PLEKHG1: variants seen among roughly 807,000 people sequenced by gnomAD.
PLEKHG1 encodes the protein pleckstrin homology and RhoGEF domain containing G1.
A neutral mutation model predicts 100.8 loss-of-function variants in PLEKHG1; 44 were observed. The ratio of observed to expected loss-of-function variants is 0.44; its 90% CI spans 0.34 to 0.56. The LOEUF (loss-of-function observed/expected upper bound fraction) is 0.56. Ranked by LOEUF, PLEKHG1 falls within the 20% of genes least tolerant of loss-of-function variation. The pLI is 0.01. For missense variants in PLEKHG1, 1,545 were observed against 1,720.9 expected, an observed-to-expected ratio of 0.90 and a Z score of 1.81; for synonymous variants, 640 against 662.5, an observed-to-expected ratio of 0.97 and a Z score of 0.52.
intron 1 of PLEKHG1, among the ~76,000 whole-genome samples, chr6:150,733,275 A>G (rs1170847330): frequency 6.6e-6 from 1 of 152,176 alleles, no homozygotes; most frequent in African/African-American, 2.4e-5. Context: ...CACACTTTTG[A>G]GACAACAGGT....
intron 2 of PLEKHG1, among the ~76,000 whole-genome samples, chr6:150,765,493 C>CAAAA (rs141648102): frequency 0.29 from 40,982 of 138,964 alleles, 6,662 homozygotes; most frequent in East Asian, 0.46. Flanking sequence ...GACTCTGTCT[C>CAAAA]AAAGAAAAAA....
rs761947796 is a variant in PLEKHG1, at chr6:150,831,228, C to T, written c.2117C>T (p.Ala706Val). ...GAGTTAGCCTTCACAAAGAGGCAAG[C>T]TGGCCACAGTAAGGGCTCTCTTTAC... Residue 706 changes from alanine to valine, a missense_variant, in exon 15 of 16, where the codon GCT (alanine) becomes GTT (valine). Coordinates refer to ENST00000358517, the Ensembl canonical transcript of PLEKHG1. The surrounding 1 kb of genome is among the most constrained non-coding windows in gnomAD (Gnocchi z 4.1). The T allele has an allele frequency of 6.2e-7, 1 of 1,614,046 alleles. No homozygotes were observed. The highest frequency in any genetic ancestry group is 1.1e-5 in the South Asian group (1 of 91,082).
intron 1 of PLEKHG1, among the ~76,000 whole-genome samples, chr6:150,634,280 GAA>G (rs10693410): frequency 6.9e-6 from 1 of 144,962 alleles, no homozygotes; most frequent in Admixed American, 6.8e-5. Context: ...AGAGGAAGAA[GAA>G]AAAAAAAAGA....
chr6:150,686,195 T>C (rs553441170), intron 3 of PLEKHG1, among the ~76,000 whole-genome samples: 117 of 152,388 alleles, frequency 7.7e-4, no homozygotes, highest in African/African-American at 2.8e-3. Context: ...ACAGGAGAGC[T>C]AATTAGGTCA....
At chr6:150,702,557 G>GGTGTGTGT (rs56768740) in intron 3 of PLEKHG1, among the ~76,000 whole-genome samples, 21,004 of 142,740 alleles carry the variant, frequency 0.15, 1,655 homozygotes, top group Non-Finnish European at 0.17. Flanking sequence ...TTTGTTTTGG[G>GGTGTGTGT]GTGTGTGTGT....
intron 1 of PLEKHG1, among the ~76,000 whole-genome samples, chr6:150,612,941 A>T (rs550733105): frequency 6.6e-6 from 1 of 152,152 alleles, no homozygotes; most frequent in African/African-American, 2.4e-5. Context: ...CAATCGTTTC[A>T]TATGTCGGTT....
chr6:150,733,822 G>A, exon 2 of PLEKHG1: 2 of 1,614,220 alleles, frequency 1.2e-6, no homozygotes, highest in Non-Finnish European at 1.7e-6. Flanking sequence ...ACCAGGATAA[G>A]GAGGTAGGGG....
chr6:150,804,175 ATTTTTTT>A (rs1554276244), intron 6 of PLEKHG1, among the ~76,000 whole-genome samples: 7 of 43,166 alleles, frequency 1.6e-4, no homozygotes, highest in East Asian at 7.3e-4. Flanking sequence ...ATATATATAT[ATTTTTTT>A]TTTTTTTTTT....
rs1469171944 is a variant in PLEKHG1, at chr6:150,725,085, C to T, written c.-99+3885C>T. 4.6e-5 allele frequency among the ~76,000 whole-genome samples: 7 copies of T among 152,290 alleles called. No homozygotes were observed. In the East Asian group the frequency reaches 1.2e-3, roughly 25 times the overall value. On this transcript the variant is annotated intron_variant, in intron 1 of 15. Coordinates refer to ENST00000358517, the Ensembl canonical transcript of PLEKHG1. ...ACTTACAAGGAACAGAAATTGATTG[C>T]TCACAGTTCCAGAGAGTGGGAAGTC... is the stretch of plus-strand genomic sequence containing the variant.
chr6:150,773,002 T>C (rs1366954505), intron 3 of PLEKHG1, among the ~76,000 whole-genome samples: 1 of 152,216 alleles, frequency 6.6e-6, no homozygotes, highest in Non-Finnish European at 1.5e-5. Flanking sequence ...TATTTGAAAA[T>C]AAATTGTATA....
At chr6:150,640,894 A>G (rs1443407724) in intron 2 of PLEKHG1, among the ~76,000 whole-genome samples, 2 of 152,170 alleles carry the variant, frequency 1.3e-5, no homozygotes, top group African/African-American at 4.8e-5. Flanking sequence ...AGAAATACCT[A>G]TAGTTGCTGA....
intron 3 of PLEKHG1, among the ~76,000 whole-genome samples, chr6:150,770,231 C>T (rs982672651): frequency 6.6e-6 from 1 of 152,222 alleles, no homozygotes; most frequent in Non-Finnish European, 1.5e-5. Context: ...TCCTACCCAT[C>T]TTGGCTTACT....
At chr6:150,699,898 CAATTATCCA>C (rs1780696717) in intron 3 of PLEKHG1, among the ~76,000 whole-genome samples, 1 of 142,492 alleles carries the variant, frequency 7.0e-6, no homozygotes, top group African/African-American at 3.1e-5. Context: ...TAAAGACTGG[CAATTATCCA>C]TGGCCCCTGC....
At chr6:150,647,138 C>G (rs1482653441) in intron 2 of PLEKHG1, among the ~76,000 whole-genome samples, 1 of 152,096 alleles carries the variant, frequency 6.6e-6, no homozygotes, top group Admixed American at 6.6e-5. Flanking sequence ...TAGTCAGTAT[C>G]GTATATAGAA....
intron 12 of PLEKHG1, 41 bp from the exon 14 acceptor site, chr6:150,821,154 T>C: frequency 6.4e-7 from 1 of 1,572,906 alleles, no homozygotes; most frequent in Non-Finnish European, 8.7e-7. Context: ...AAAGGTTTGA[T>C]TTGGTTTTGC....
exon 15 of PLEKHG1, chr6:150,832,012 G>A (rs765256369): frequency 1.2e-6 from 2 of 1,613,922 alleles, no homozygotes; most frequent in Non-Finnish European, 1.7e-6. Flanking sequence ...TGGGGATGGA[G>A]GCCACAGATA....
At chr6:150,812,152 C>T (rs1787568323) in intron 10 of PLEKHG1, among the ~76,000 whole-genome samples, 1 of 152,036 alleles carries the variant, frequency 6.6e-6, no homozygotes, top group South Asian at 2.1e-4. Context: ...AGAGAGGAGC[C>T]CTCTGCTCTC....
intron 3 of PLEKHG1, among the ~76,000 whole-genome samples, chr6:150,708,199 T>G (rs890068436): frequency 6.6e-6 from 1 of 152,176 alleles, no homozygotes; most frequent in African/African-American, 2.4e-5. Flanking sequence ...CAGTCTCTTT[T>G]TCAGGTCATT....
At chr6:150,697,520 T>C (rs1780596324) in intron 3 of PLEKHG1, among the ~76,000 whole-genome samples, 1 of 152,176 alleles carries the variant, frequency 6.6e-6, no homozygotes. Flanking sequence ...GTGGTCCTGG[T>C]GTGGTCCTGA....
Sources: allele counts gnomAD v4.1 joint callset (sites outside exome capture counted in the v4.1 genomes callset), GRCh38; gene constraint gnomAD v4.1.1; non-coding constraint Gnocchi (gnomAD v3.1); transcripts MANE v1.5; gene names NCBI Gene and HGNC (gene_info 2026-07-23, HGNC 2026-07-21).